Variants in AR observed in about 807,000 individuals in gnomAD.
AR encodes the protein androgen receptor.
In AR, 8 loss-of-function variants were observed where a neutral mutation model predicts 53.9. That is an observed-to-expected ratio of 0.15 (90% CI 0.09 to 0.27). The LOEUF (loss-of-function observed/expected upper bound fraction) is 0.27. AR is among the 10% of genes least tolerant of loss of function. The pLI is 1.00. For missense variants in AR, 639 were observed against 742.5 expected, an observed-to-expected ratio of 0.86 and a Z score of 1.62; for synonymous variants, 359 against 316.4, an observed-to-expected ratio of 1.13 and a Z score of -1.43.
rs2076175152 is a variant in AR at position 67,730,421 on chromosome X, CTG to C, written c.*6582_*6583del. The C allele has an allele frequency of 5.8e-6, 1 of 171,910 alleles. No individual in the cohort carries two copies. The allele number at this position is 171,910 out of a possible 1,213,427, so 14.2% of individuals were successfully genotyped here. On this transcript the variant is annotated 3_prime_UTR_variant, in exon 8 of 8. Transcript: ENST00000374690. ...TTGGACTACATGTGTGACTTTGGGT[CTG>C]TCTCTGCCTCTGCTTTCAGAAATGT...
intron 1 of AR, among the ~76,000 whole-genome samples, chrX:67,587,321 T>C (rs1922595406): frequency 8.9e-6 from 1 of 112,508 alleles, no homozygotes; most frequent in Non-Finnish European, 1.9e-5. Flanking sequence ...GCATAAGTAT[T>C]CATTAATGTT....
intron 2 of AR, among the ~76,000 whole-genome samples, chrX:67,684,802 A>G (rs1471714299): frequency 1.8e-5 from 2 of 111,718 alleles, no homozygotes; most frequent in Non-Finnish European, 3.8e-5. Flanking sequence ...TATGTGCCTA[A>G]TCTTCACTTT....
In AR at chrX:67,611,536, CCTATT is replaced by C. The variant is rs1923879959; in HGVS notation, c.1617-31718_1617-31714del. On this transcript the variant is annotated intron_variant, in intron 1 of 7. Coordinates refer to ENST00000374690, the MANE Select transcript of AR (RefSeq NM_000044.6). ...TATCTTTAAAATTTGTTTATGTTTT[CCTATT>C]CATCAGTCTAAAATTATGTAGTTAA... is the stretch of plus-strand genomic sequence containing the variant. 1.8e-5 allele frequency among the ~76,000 whole-genome samples: 2 copies of C among 111,102 alleles called. 1 individual carries two copies. Among genetic ancestry groups the C allele is most frequent in the South Asian group, 7.6e-4 (2 of 2,623 alleles).
intron 1 of AR, among the ~76,000 whole-genome samples, chrX:67,631,183 G>A (rs2147414751): frequency 9.0e-6 from 1 of 111,091 alleles, no homozygotes; most frequent in African/African-American, 3.3e-5. Context: ...CTGAATGTTG[G>A]CCTGCCTTGC....
At chrX:67,608,771 G>T (rs1442214417) in intron 1 of AR, among the ~76,000 whole-genome samples, 1 of 111,444 alleles carries the variant, frequency 9.0e-6, no homozygotes, top group Non-Finnish European at 1.9e-5. Flanking sequence ...TTCTATATTT[G>T]TCCATGAACA....
At chrX:67,628,182 CAGT>C (rs896942078) in intron 1 of AR, among the ~76,000 whole-genome samples, 1 of 110,347 alleles carries the variant, frequency 9.1e-6, no homozygotes, top group African/African-American at 3.3e-5. Context: ...AGAAAGTCAT[CAGT>C]AGCTTGATGG....
chrX:67,555,011 G>C (rs1452314298), intron 1 of AR, among the ~76,000 whole-genome samples: 1 of 110,349 alleles, frequency 9.1e-6, no homozygotes, highest in Non-Finnish European at 1.9e-5. Context: ...AGGTGAAAGG[G>C]GACACAATTC....
chrX:67,627,331 C>A (rs1389070430), intron 1 of AR, among the ~76,000 whole-genome samples: 2 of 111,777 alleles, frequency 1.8e-5, no homozygotes, highest in African/African-American at 3.3e-5. Context: ...TTCTAACTGG[C>A]GTGAGATGAT....
At position 67,727,092 on chromosome X, in the gene AR, C is replaced by T. The variant is rs1038139236; in HGVS notation, c.*3251C>T. On this transcript the variant is annotated 3_prime_UTR_variant, in exon 8 of 8. Transcript: ENST00000374690. Reference sequence around the variant, plus strand: ...AGAGTCGTGTGGCAGTTTCAGCTCTCGTTCATTGGGCAGCTCGCCTAGGCC... The same window carrying T: ...AGAGTCGTGTGGCAGTTTCAGCTCTTGTTCATTGGGCAGCTCGCCTAGGCC... 2 of 172,316 alleles carry T rather than the reference C, an allele frequency of 1.2e-5. No individual in the cohort carries two copies. The highest frequency in any genetic ancestry group is 1.1e-5 in the Non-Finnish European group (1 of 89,847). 14.2% of individuals were successfully genotyped at this position (172,316 alleles called of 1,213,427 possible).
intron 1 of AR, among the ~76,000 whole-genome samples, chrX:67,596,270 T>C (rs1703085665): frequency 9.1e-6 from 1 of 109,300 alleles, no homozygotes; most frequent in Admixed American, 9.8e-5. Flanking sequence ...TTACCCAGTC[T>C]CAAGTATTCT....
chrX:67,697,197 T>C (rs913417912), intron 3 of AR, among the ~76,000 whole-genome samples: 1 of 111,694 alleles, frequency 9.0e-6, no homozygotes, highest in Admixed American at 9.5e-5. Context: ...AAAAAACTTA[T>C]AGGACTTATA....
At position 67,730,600 on chromosome X, in the gene AR, TAAAG is replaced by T. The variant is rs1309244058; in HGVS notation, c.*6763_*6766del. The T allele has an allele frequency of 1.2e-5, 2 of 165,432 alleles. No homozygotes were observed. Among genetic ancestry groups the T allele is most frequent in the Admixed American group, 8.0e-5 (1 of 12,434 alleles). The allele number at this position is 165,432 out of a possible 1,213,427, so 13.6% of individuals were successfully genotyped here. A position where few individuals can be genotyped will look rare whatever the true frequency, so the allele number is the denominator to read the frequency against. On this transcript the variant is annotated 3_prime_UTR_variant, in exon 8 of 8. Coordinates refer to ENST00000374690, the MANE Select transcript of AR (RefSeq NM_000044.6). ...TCATTGTTGTTAATTTGTTAAAACATAAAGAAATCTAAAATTTCAGATGAATGTC... is the reference window on the plus strand; with the variant it reads ...TCATTGTTGTTAATTTGTTAAAACATAAATCTAAAATTTCAGATGAATGTC...
At chrX:67,691,194 G>A (rs941788735) in intron 3 of AR, among the ~76,000 whole-genome samples, 2 of 111,924 alleles carry the variant, frequency 1.8e-5, no homozygotes, top group Non-Finnish European at 3.8e-5. Context: ...CCTAGGATTT[G>A]TAGTTACCTC....
intron 3 of AR, among the ~76,000 whole-genome samples, chrX:67,705,696 G>C (rs2076063657): frequency 9.0e-6 from 1 of 111,651 alleles, no homozygotes; most frequent in African/African-American, 3.3e-5. Context: ...AATAGGAATG[G>C]TGAGAGAGGG....
chrX:67,555,043 A>T (rs763621224), intron 1 of AR, among the ~76,000 whole-genome samples: 78 of 111,395 alleles, frequency 7.0e-4, no homozygotes, highest in Admixed American at 1.5e-3. Context: ...TCTTGAGGTA[A>T]CTGCTTACGA....
chrX:67,687,129 A>T (rs183601521), intron 3 of AR, among the ~76,000 whole-genome samples: 3 of 111,700 alleles, frequency 2.7e-5, no homozygotes, highest in Non-Finnish European at 5.6e-5. Flanking sequence ...TGGAAAACCC[A>T]AGTGCCTAGA....
intron 7 of AR, 30 bp from the exon 8 acceptor site, chrX:67,723,656 T>A (rs750757329): frequency 8.3e-7 from 1 of 1,208,482 alleles, no homozygotes; most frequent in Non-Finnish European, 1.1e-6. Context: ...TTGTCAACCC[T>A]GTTTTTCTCC....
intron 7 of AR, 110 bp from the exon 8 acceptor site, chrX:67,723,576 G>A (rs2076146276): frequency 4.6e-6 from 4 of 868,744 alleles, no homozygotes; most frequent in Non-Finnish European, 6.7e-6. Flanking sequence ...GTACGGGGAA[G>A]GGGGAGGAAA....
chrX:67,628,819 C>T (rs1924869423), intron 1 of AR, among the ~76,000 whole-genome samples: 1 of 111,558 alleles, frequency 9.0e-6, no homozygotes, highest in South Asian at 3.7e-4. Flanking sequence ...CCATCAATAC[C>T]TAATTTATTG....
Sources: gnomAD v4.1 joint callset for allele counts (sites outside exome capture counted in the v4.1 genomes callset) on GRCh38, gnomAD v4.1.1 for gene constraint, MANE v1.5 for transcripts, NCBI Gene and HGNC (gene_info 2026-07-23, HGNC 2026-07-21) for gene names.